Variants in PLCH1 observed in about 807,000 individuals in gnomAD.
The protein encoded by PLCH1 is phospholipase C eta 1.
In PLCH1, 60 loss-of-function variants were observed where a neutral mutation model predicts 126.7. That is an observed-to-expected ratio of 0.47 (90% CI 0.38 to 0.59). PLCH1 has a LOEUF of 0.59. Ranked by LOEUF, PLCH1 falls within the 20% of genes least tolerant of loss-of-function variation. The pLI, the probability that PLCH1 is intolerant of heterozygous loss-of-function variation, is 0.00. For synonymous variants in PLCH1, 719 were observed against 734.9 expected (o/e 0.98, Z 0.35); for missense variants, 1,723 against 2,040.0 (o/e 0.84, Z 2.99).
At chr3:155,723,582 C>G (rs1276367092) in intron 1 of PLCH1, among the ~76,000 whole-genome samples, 1 of 152,020 alleles carries the variant, frequency 6.6e-6, no homozygotes. Flanking sequence ...ATGAACTTTC[C>G]TCTTAGCATT....
chr3:155,613,355 A>C (rs931621288), intron 2 of PLCH1, among the ~76,000 whole-genome samples: 4 of 152,106 alleles, frequency 2.6e-5, no homozygotes, highest in Admixed American at 1.3e-4. Flanking sequence ...CCAACAACAA[A>C]AAAAAACAGA....
intron 2 of PLCH1, among the ~76,000 whole-genome samples, chr3:155,640,133 G>A (rs529267358): frequency 2.8e-4 from 42 of 152,314 alleles, no homozygotes; most frequent in African/African-American, 1.0e-3. Flanking sequence ...TCACTTGTGG[G>A]AAAGACATCT....
chr3:155,595,532 C>T (rs1280625978), intron 3 of PLCH1, among the ~76,000 whole-genome samples: 1 of 152,188 alleles, frequency 6.6e-6, no homozygotes, highest in African/African-American at 2.4e-5. Flanking sequence ...GGTTCTCAGG[C>T]CTTCAACCTT....
At chr3:155,479,102 C>G (rs933687119), downstream of PLCH1, among the ~76,000 whole-genome samples, 2 of 152,050 alleles carry the variant, frequency 1.3e-5, no homozygotes, top group African/African-American at 4.8e-5. Context: ...AGGAACAAAA[C>G]AAAACAAATG....
At chr3:155,637,661 C>T (rs4680207) in intron 2 of PLCH1, among the ~76,000 whole-genome samples, 27,001 of 152,100 alleles carry the variant, frequency 0.18, 2,912 homozygotes, top group African/African-American at 0.3. Context: ...TACTTCTCTA[C>T]AGAGGACAGG....
chr3:155,580,500 T>C (rs987359463), intron 6 of PLCH1, among the ~76,000 whole-genome samples: 14 of 152,142 alleles, frequency 9.2e-5, no homozygotes, highest in African/African-American at 3.4e-4. Context: ...GCTCAAATTA[T>C]GAATGTCAAA....
chr3:155,477,469 T>A (rs1298668227), downstream of PLCH1, among the ~76,000 whole-genome samples: 1 of 151,850 alleles, frequency 6.6e-6, no homozygotes, highest in Admixed American at 6.6e-5. Flanking sequence ...ACACACAGAA[T>A]GGGAGAAAAT....
chr3:155,657,532 T>C (rs1009017966), intron 2 of PLCH1, among the ~76,000 whole-genome samples: 1 of 152,146 alleles, frequency 6.6e-6, no homozygotes, highest in Non-Finnish European at 1.5e-5. Flanking sequence ...CACAGCGAGA[T>C]TGGGACCACC....
chr3:155,504,870 C>T (rs1718426336), intron 12 of PLCH1, among the ~76,000 whole-genome samples: 1 of 152,224 alleles, frequency 6.6e-6, no homozygotes, highest in African/African-American at 2.4e-5. Flanking sequence ...CAGCTGCCTG[C>T]ACCTTCCCAA....
intron 1 of PLCH1, among the ~76,000 whole-genome samples, chr3:155,730,000 GATAA>G (rs2109171170): frequency 6.6e-6 from 1 of 151,844 alleles, no homozygotes; most frequent in East Asian, 1.9e-4. Flanking sequence ...TCTTTAGAAG[GATAA>G]TAGTCATAAT....
chr3:155,732,123 A>T (rs1479010233), intron 1 of PLCH1, among the ~76,000 whole-genome samples: 1 of 152,112 alleles, frequency 6.6e-6, no homozygotes, highest in Non-Finnish European at 1.5e-5. Context: ...GTTTATAGGA[A>T]CCTCAACAAA....
intron 2 of PLCH1, among the ~76,000 whole-genome samples, chr3:155,673,715 G>A (rs1743790436): frequency 6.6e-6 from 1 of 152,086 alleles, no homozygotes; most frequent in Non-Finnish European, 1.5e-5. Flanking sequence ...AGATTGCTAT[G>A]GTTTCTTCCT....
chr3:155,717,868 G>A (rs887260832), intron 1 of PLCH1, among the ~76,000 whole-genome samples: 9 of 152,176 alleles, frequency 5.9e-5, no homozygotes, highest in Admixed American at 3.9e-4. Context: ...TCCCCAACCT[G>A]CTTGAATTCC....
chr3:155,545,162 G>C (rs2108419391), intron 10 of PLCH1, among the ~76,000 whole-genome samples: 1 of 152,022 alleles, frequency 6.6e-6, no homozygotes, highest in East Asian at 1.9e-4. Context: ...AAGAAGAAAA[G>C]AGAGAAGAAT....
intron 9 of PLCH1, among the ~76,000 whole-genome samples, chr3:155,550,325 T>C (rs1725941033): frequency 6.6e-6 from 1 of 152,190 alleles, no homozygotes; most frequent in African/African-American, 2.4e-5. Flanking sequence ...GTCTTATTTA[T>C]TCAAAAGTCT....
chr3:155,645,554 G>T (rs530223798), intron 2 of PLCH1, among the ~76,000 whole-genome samples: 4 of 152,284 alleles, frequency 2.6e-5, no homozygotes, highest in Admixed American at 1.3e-4. Flanking sequence ...ACAGCTTACT[G>T]CAGCCTCAAC....
chr3:155,676,856 T>C (rs575318215), intron 2 of PLCH1, among the ~76,000 whole-genome samples: 1 of 152,180 alleles, frequency 6.6e-6, no homozygotes, highest in South Asian at 2.1e-4. Flanking sequence ...AAAAATCACA[T>C]GCCTGTGGAC....
intron 20 of PLCH1, among the ~76,000 whole-genome samples, chr3:155,488,444 A>G (rs7616703): frequency 0.42 from 63,433 of 151,920 alleles, 17,630 homozygotes; most frequent in African/African-American, 0.79. Flanking sequence ...TGATCCTCCC[A>G]CCTCGGCCTC....
intron 12 of PLCH1, among the ~76,000 whole-genome samples, chr3:155,509,213 T>C (rs1298468532): frequency 7.5e-6 from 1 of 133,762 alleles, no homozygotes; most frequent in Non-Finnish European, 1.5e-5. Flanking sequence ...CCCTTTATCA[T>C]TTTTTATTGT....
Sources: gnomAD v4.1 joint callset for allele counts (sites outside exome capture counted in the v4.1 genomes callset) on GRCh38, gnomAD v4.1.1 for gene constraint, MANE v1.5 for transcripts, NCBI Gene and HGNC (gene_info 2026-07-23, HGNC 2026-07-21) for gene names.